The following GPT2 variants were observed in gnomAD, a reference collection of about 807,000 sequenced individuals.
GPT2 encodes the protein alanine aminotransferase 2.
A neutral mutation model predicts 56.9 loss-of-function variants in GPT2; 30 were observed. That is an observed-to-expected ratio of 0.53 (90% CI 0.39 to 0.72). The LOEUF (loss-of-function observed/expected upper bound fraction) is 0.72, where lower values mean the gene tolerates loss of function less well. Ranked by LOEUF, GPT2 falls within the 30% of genes least tolerant of loss-of-function variation. The probability of loss-of-function intolerance (pLI) is 0.00; values close to 1 mark genes in which losing one functional copy is unlikely to be tolerated. For synonymous variants in GPT2, 271 were observed against 283.1 expected (o/e 0.96, Z 0.43); for missense variants, 542 against 703.4 (o/e 0.77, Z 2.60).
At chr16:46,910,254 G>A (rs1210010743) in intron 6 of GPT2, among the ~76,000 whole-genome samples, 1 of 151,972 alleles carries the variant, frequency 6.6e-6, no homozygotes. Context: ...GGTGGTGTGC[G>A]CCTGTAGTCC....
In GPT2 at chr16:46,916,703, A is replaced by T. The variant is rs746435600; in HGVS notation, c.896A>T (p.Asp299Val). ...AWEEKLFLLA[D>V]EVYQDNVYSP... is the part of the protein sequence containing the mutation. ...GAAGAGAAGCTCTTTCTCCTGGCTG[A>T]TGAGGTAAGAATGTCCCCACTCAGA... Residue 299 changes from aspartate to valine, a missense_variant, in exon 7 of 12, where the codon GAT (aspartate) becomes GTT (valine). Coordinates refer to ENST00000340124, the MANE Select transcript of GPT2 (RefSeq NM_133443.4). 4.3e-6 allele frequency: 7 copies of T among 1,610,030 alleles called. No homozygotes were observed. The highest frequency in any genetic ancestry group is 6.0e-6 in the Non-Finnish European group (7 of 1,176,422).
In GPT2 at chr16:46,928,895, C is replaced by G. The variant is rs1375016060; in HGVS notation, c.1482-12C>G. 3 of 1,607,496 alleles carry G rather than the reference C, an allele frequency of 1.9e-6. No homozygotes were observed. Among genetic ancestry groups the G allele is most frequent in the African/African-American group, 2.7e-5 (2 of 74,776 alleles). On this transcript the variant is annotated splice_polypyrimidine_tract_variant and intron_variant, in intron 11 of 11. Coordinates refer to ENST00000340124, the MANE Select transcript of GPT2 (RefSeq NM_133443.4). Reference sequence around the variant, plus strand: ...AGAGCAGCCAGGCTGACACTGTTGTCTCTCCTGCCAGGATGACTATCCTCC... The same window carrying G: ...AGAGCAGCCAGGCTGACACTGTTGTGTCTCCTGCCAGGATGACTATCCTCC...
At chr16:46,905,118 G>A (rs1055336720) in intron 4 of GPT2, among the ~76,000 whole-genome samples, 22 of 151,308 alleles carry the variant, frequency 1.5e-4, no homozygotes, top group Admixed American at 8.6e-4. Context: ...GTACAGTGGC[G>A]CAATCTTGGC....
At position 46,906,867 on chromosome 16, in the gene GPT2, C is replaced by T. The variant is rs575816141; in HGVS notation, c.468C>T (p.Val156=). 25 of 1,614,222 alleles carry T rather than the reference C, an allele frequency of 1.5e-5. No homozygotes were observed. The highest frequency in any genetic ancestry group is 1.0e-4 in the Admixed American group (6 of 60,026). The change falls in exon 5 of 12, where the codon GTC becomes GTT. Residue 156 remains valine, a synonymous_variant. Coordinates refer to ENST00000340124, the MANE Select transcript of GPT2 (RefSeq NM_133443.4). The part of the protein sequence containing the change: ...SLGSYSASQG[V]NCIREDVAAY... ...GGTCCTACAGTGCTAGCCAGGGTGT[C>T]AACTGCATCCGTGAAGATGTGGCTG...
chr16:46,887,002 C>G (rs917534418), intron 2 of GPT2, among the ~76,000 whole-genome samples: 1 of 152,192 alleles, frequency 6.6e-6, no homozygotes, highest in African/African-American at 2.4e-5. Flanking sequence ...CTTAGATAGC[C>G]TCATTGAAAC....
At position 46,885,428 on chromosome 16, in the gene GPT2, C is replaced by T. The variant is rs1361693901; in HGVS notation, c.243+470C>T. ...GGGGGGGCTCTGCGGAAAGTTGGTTCTGTTCCCCAGTCTCTTTCTCCGTGT... is the reference window on the plus strand; with the variant it reads ...GGGGGGGCTCTGCGGAAAGTTGGTTTTGTTCCCCAGTCTCTTTCTCCGTGT... On this transcript the variant is annotated intron_variant, in intron 2 of 11. Coordinates refer to ENST00000340124, the MANE Select transcript of GPT2 (RefSeq NM_133443.4). The T allele has an allele frequency of 3.1e-6, 3 of 965,368 alleles. No homozygotes were observed. In the East Asian group the frequency reaches 3.4e-4, roughly 110 times the overall value. The allele number at this position is 965,368 out of a possible 1,614,324, so 59.8% of individuals were successfully genotyped here. A position where few individuals can be genotyped will look rare whatever the true frequency, so the allele number is the denominator to read the frequency against.
At chr16:46,919,373 G>A (rs1488641227) in intron 8 of GPT2, among the ~76,000 whole-genome samples, 2 of 152,222 alleles carry the variant, frequency 1.3e-5, no homozygotes, top group Non-Finnish European at 1.5e-5. Context: ...GAGAGGTAGG[G>A]GTGGGGTCGA....
At chr16:46,926,151 A>T (rs1961406468) in intron 10 of GPT2, among the ~76,000 whole-genome samples, 1 of 119,232 alleles carries the variant, frequency 8.4e-6, no homozygotes, top group South Asian at 2.8e-4. Context: ...AAAAAAAAAA[A>T]GGAATCCGTG....
At chr16:46,889,246 ATTTTTTTTTT>A (rs35803215) in intron 2 of GPT2, among the ~76,000 whole-genome samples, 121 of 94,950 alleles carry the variant, frequency 1.3e-3, no homozygotes, top group African/African-American at 4.6e-3. Flanking sequence ...CAGGCTGTTA[ATTTTTTTTTT>A]TTTTTTTTTT....
intron 1 of GPT2, 43 bp downstream of exon 1, chr16:46,884,510 G>A (rs1960441269): frequency 4.1e-6 from 2 of 490,368 alleles, no homozygotes; most frequent in Admixed American, 4.5e-5. Context: ...TGCGAAAGCC[G>A]GTTGGGTGTG....
chr16:46,897,837 C>T, intron 3 of GPT2, 100 bp downstream of exon 3: 1 of 972,456 alleles, frequency 1.0e-6, no homozygotes, highest in East Asian at 2.5e-5. Context: ...TCCAGGCCCT[C>T]CCAGCCTGAT....
chr16:46,921,191 T>A (rs990979920), intron 8 of GPT2, among the ~76,000 whole-genome samples: 6 of 152,312 alleles, frequency 3.9e-5, no homozygotes, highest in African/African-American at 7.2e-5. Context: ...TGTTTTGAGA[T>A]GTAATCTCGC....
In GPT2 at chr16:46,918,743, G is replaced by C. The variant is rs1195457253; in HGVS notation, c.1023G>C (p.Lys341Asn). The C allele has an allele frequency of 6.2e-7, 1 of 1,613,920 alleles. No individual in the cohort carries two copies. The highest frequency in any genetic ancestry group is 1.3e-5 in the African/African-American group (1 of 74,936). The change falls in exon 8 of 12, where the codon AAG becomes AAC. Residue 341 changes from lysine (K) to asparagine (N), a missense_variant. Lys to Asn is a moderately conservative substitution (Grantham distance 94). Coordinates refer to ENST00000340124, the MANE Select transcript of GPT2 (RefSeq NM_133443.4). ...TCGCCTCCTTCCACTCCACCTCCAAGGGCTACATGGGCGAGTACGTGGGCC... is the reference window on the plus strand; with the variant it reads ...TCGCCTCCTTCCACTCCACCTCCAACGGCTACATGGGCGAGTACGTGGGCC... ...VELASFHSTSKGYMGECGYRG... is the reference protein window; with the variant it reads ...VELASFHSTSNGYMGECGYRG...
At chr16:46,898,193 G>A (rs970132768) in intron 3 of GPT2, among the ~76,000 whole-genome samples, 3 of 152,228 alleles carry the variant, frequency 2.0e-5, no homozygotes, top group African/African-American at 7.2e-5. Context: ...GAAGTTGGCA[G>A]AGCGCCGCCT....
In GPT2 at chr16:46,922,259, G is replaced by T; in HGVS notation, c.1055G>T (p.Gly352Val). 2 of 1,613,956 alleles carry T rather than the reference G, an allele frequency of 1.2e-6. No homozygotes were observed. The highest frequency in any genetic ancestry group is 2.2e-5 in the East Asian group (1 of 44,872). ...CCCTCCAGGTGTGGTTACAGAGGAG[G>T]CTACATGGAGGTGATCAACCTGCAC... is the stretch of plus-strand genomic sequence containing the variant. ...GYMGECGYRGGYMEVINLHPE... is the reference protein window; with the variant it reads ...GYMGECGYRGVYMEVINLHPE... The change falls in exon 9 of 12, where the codon GGC (glycine) becomes GTC (valine). Residue 352 changes from glycine (G) to valine (V), a missense_variant. Gly to Val is a moderately radical substitution (Grantham distance 109, BLOSUM62 -3). Coordinates refer to ENST00000340124, the MANE Select transcript of GPT2 (RefSeq NM_133443.4).
chr16:46,899,016 T>TAACACAC (rs1567335226), intron 3 of GPT2, among the ~76,000 whole-genome samples: 22 of 7,978 alleles, frequency 2.8e-3, no homozygotes, highest in African/African-American at 3.1e-3. Flanking sequence ...TATATATATA[T>TAACACAC]ATATATATAT....
At chr16:46,908,644 T>G (rs1347447625) in intron 5 of GPT2, among the ~76,000 whole-genome samples, 1 of 152,198 alleles carries the variant, frequency 6.6e-6, no homozygotes, top group Non-Finnish European at 1.5e-5. Context: ...GTGGTCTACC[T>G]GCCTAGAGTC....
intron 2 of GPT2, chr16:46,885,212 C>T (rs1404609206): frequency 2.4e-6 from 3 of 1,243,446 alleles, no homozygotes; most frequent in Non-Finnish European, 3.0e-6. Context: ...GGCCGTGCTG[C>T]CAGGCACCGC....
intron 4 of GPT2, among the ~76,000 whole-genome samples, chr16:46,901,020 A>G (rs973239548): frequency 6.6e-6 from 1 of 152,098 alleles, no homozygotes; most frequent in Non-Finnish European, 1.5e-5. Flanking sequence ...TGCCTGCATC[A>G]TGCCGGGTGT....
Sources: gnomAD v4.1 joint callset for allele counts (sites outside exome capture counted in the v4.1 genomes callset) on GRCh38, gnomAD v4.1.1 for gene constraint, MANE v1.5 for transcripts, NCBI Gene and HGNC (gene_info 2026-07-23, HGNC 2026-07-21) for gene names.